OTUD7B: variants seen among roughly 807,000 people sequenced by gnomAD.
OTUD7B encodes the protein OTU deubiquitinase 7B.
In OTUD7B, 34 loss-of-function variants were observed where a neutral mutation model predicts 82.2. The ratio of observed to expected loss-of-function variants is 0.41; its 90% confidence interval spans 0.31 to 0.55. The LOEUF (loss-of-function observed/expected upper bound fraction) is 0.55. Among genes scored for constraint, OTUD7B ranks in the 20% least tolerant of loss-of-function variants. The probability of loss-of-function intolerance (pLI) is 0.20; values close to 1 mark genes in which losing one functional copy is unlikely to be tolerated. For missense variants in OTUD7B, 944 were observed against 1,062.1 expected, an observed-to-expected ratio of 0.89 and a Z score of 1.55; for synonymous variants, 398 against 402.7, an observed-to-expected ratio of 0.99 and a Z score of 0.14.
At chr1:150,027,808 T>C in the OTUD7B span, among the ~76,000 whole-genome samples, 1 of 151,992 alleles carries the variant, frequency 6.6e-6, no homozygotes, top group African/African-American at 2.4e-5. Flanking sequence ...AATAATTATA[T>C]TCTATTCTAT....
intron 1 of OTUD7B, among the ~76,000 whole-genome samples, chr1:149,994,594 A>AG (rs1651804041): frequency 7.0e-6 from 1 of 142,008 alleles, no homozygotes; most frequent in Non-Finnish European, 1.5e-5. Context: ...CAAAAAAAAA[A>AG]AAAAAAAAAA....
chr1:149,944,992 T>C lies in OTUD7B; in HGVS notation c.1397A>G (p.Asp466Gly), dbSNP rs1647601482. The C allele has an allele frequency of 6.2e-7, 1 of 1,614,094 alleles. No homozygotes were observed. Among genetic ancestry groups the C allele is most frequent in the Non-Finnish European group, 8.5e-7 (1 of 1,180,006 alleles). ...GCTGCCAACTGACTCCTTGTCTGAG[T>C]CTCCAGACTCAGGAGTGGACCGGGG... Reference protein sequence around the residue: ...DEPRSTPESGDSDKESVGSSS... With the variant: ...DEPRSTPESGGSDKESVGSSS... Residue 466 changes from aspartate (D) to glycine (G), a missense_variant, in exon 12 of 12, where the codon GAC (aspartate) becomes GGC (glycine). Transcript: ENST00000581312.
intron 1 of OTUD7B, among the ~76,000 whole-genome samples, chr1:149,990,530 ATATAACT>A (rs1160286310): frequency 6.6e-6 from 1 of 152,234 alleles, no homozygotes; most frequent in Non-Finnish European, 1.5e-5. Flanking sequence ...ATATGAATAA[ATATAACT>A]TATATTTGTA....
Position 149,967,808 on chromosome 1 carries a change from A to C in OTUD7B, c.275-287T>G, listed in dbSNP as rs1165170774. Among the ~76,000 whole-genome samples the C allele has an allele frequency of 2.0e-5, 3 of 152,162 alleles. No individual in the cohort carries two copies. The East Asian group carries it at 5.8e-4, about 29-fold the overall frequency. Reference sequence around the variant, plus strand: ...CCTCTGACTGTCTTCCTCCACTTCCATATTTCCCAGTGTGATAGGGACCCA... The same window carrying C: ...CCTCTGACTGTCTTCCTCCACTTCCCTATTTCCCAGTGTGATAGGGACCCA... On this transcript the variant is annotated intron_variant, in intron 3 of 11. Coordinates refer to ENST00000581312, the MANE Select transcript of OTUD7B (RefSeq NM_020205.4).
At chr1:150,049,621 C>CTT in the OTUD7B span, among the ~76,000 whole-genome samples, 5 of 47,154 alleles carry the variant, frequency 1.1e-4, no homozygotes, top group African/African-American at 7.8e-4. Flanking sequence ...TTCCTTCTCT[C>CTT]TCTCTCTCTT....
chr1:150,042,153 CCCTTCCTT>C, the OTUD7B span, among the ~76,000 whole-genome samples: 2 of 105,026 alleles, frequency 1.9e-5, no homozygotes, highest in Non-Finnish European at 3.9e-5. Flanking sequence ...CTTCCTTCCT[CCCTTCCTT>C]CCTTCCTTCC....
chr1:150,020,123 G>A, the OTUD7B span, among the ~76,000 whole-genome samples: 1 of 152,066 alleles, frequency 6.6e-6, no homozygotes, highest in East Asian at 1.9e-4. Context: ...GTGAAACCCT[G>A]TCTCAAAAAC....
chr1:149,956,665 G>A (rs1162624656), intron 7 of OTUD7B, among the ~76,000 whole-genome samples: 1 of 152,150 alleles, frequency 6.6e-6, no homozygotes, highest in East Asian at 1.9e-4. Flanking sequence ...TCACTTTCAG[G>A]TACACCAATC....
At chr1:150,055,519 A>G in the OTUD7B span, among the ~76,000 whole-genome samples, 1 of 152,232 alleles carries the variant, frequency 6.6e-6, no homozygotes, top group Non-Finnish European at 1.5e-5. Flanking sequence ...CAGAACTACC[A>G]TTCGACCCAG....
intron 8 of OTUD7B, 88 bp downstream of exon 8, chr1:149,950,006 C>T (rs587742530): frequency 3.2e-6 from 5 of 1,545,534 alleles, no homozygotes; most frequent in African/African-American, 1.4e-5. Context: ...TCTATATATC[C>T]CCTTTCCTGC....
intron 7 of OTUD7B, among the ~76,000 whole-genome samples, chr1:149,951,279 A>G (rs150107189): frequency 2.8e-5 from 4 of 145,418 alleles, no homozygotes; most frequent in Non-Finnish European, 6.0e-5. Context: ...CAATTTTTTA[A>G]ATTTTTAGTA....
At chr1:149,968,639 T>C (rs1288290468) in intron 3 of OTUD7B, among the ~76,000 whole-genome samples, 1 of 152,210 alleles carries the variant, frequency 6.6e-6, no homozygotes, top group Non-Finnish European at 1.5e-5. Flanking sequence ...TTGCCAGATA[T>C]GATACACAAA....
the OTUD7B span, among the ~76,000 whole-genome samples, chr1:150,059,201 C>T: frequency 4.9e-4 from 70 of 143,330 alleles, 2 homozygotes; most frequent in East Asian, 0.015. Context: ...TTACAGGTGC[C>T]TGCCACCACA....
chr1:150,024,059 T>C, the OTUD7B span, among the ~76,000 whole-genome samples: 1 of 152,192 alleles, frequency 6.6e-6, no homozygotes, highest in African/African-American at 2.4e-5. Context: ...GCTAAGGACA[T>C]GAGAGACAAT....
At chr1:149,977,277 G>A in intron 2 of OTUD7B, 149 bp downstream of exon 2, 1 of 550,866 alleles carries the variant, frequency 1.8e-6, no homozygotes, top group Non-Finnish European at 3.2e-6. Flanking sequence ...AATTATGACG[G>A]GTTATACACA....
chr1:149,982,028 A>G (rs587713012), intron 1 of OTUD7B, among the ~76,000 whole-genome samples: 2 of 152,212 alleles, frequency 1.3e-5, no homozygotes, highest in African/African-American at 2.4e-5. Flanking sequence ...GGACGCCTGT[A>G]GTCCCAGCTA....
Position 149,939,093 on chromosome 1 carries a change from G to C in OTUD7B, c.*4764C>G, listed in dbSNP as rs1483590260. 1 of 152,302 alleles carries C rather than the reference G, an allele frequency of 6.6e-6. No homozygotes were observed. The highest frequency in any genetic ancestry group is 2.4e-5 in the African/African-American group (1 of 41,390). 9.4% of individuals were successfully genotyped at this position (152,302 alleles called of 1,614,324 possible). On this transcript the variant is annotated 3_prime_UTR_variant, in exon 12 of 12. Transcript: ENST00000581312. The stretch of plus-strand genomic sequence containing the variant: ...CCCCCAGTAGAAGCACTAGATGAAG[G>C]GAAGGGTGGAGAGGCAAGGGGCTAT...
the OTUD7B span, chr1:150,054,664 C>G: frequency 3.0e-6 from 1 of 329,082 alleles, no homozygotes; most frequent in Non-Finnish European, 5.9e-6. Flanking sequence ...AAAAATTAGC[C>G]GGGTGTGGTG....
At chr1:150,001,898 C>T (rs1453709903) in intron 1 of OTUD7B, among the ~76,000 whole-genome samples, 2 of 152,178 alleles carry the variant, frequency 1.3e-5, no homozygotes, top group Non-Finnish European at 2.9e-5. Flanking sequence ...CCCAATTTCT[C>T]CCAGGGGAAT....
Sources: allele counts gnomAD v4.1 joint callset (sites outside exome capture counted in the v4.1 genomes callset), GRCh38; gene constraint gnomAD v4.1.1; transcripts MANE v1.5; gene names NCBI Gene and HGNC (gene_info 2026-07-23, HGNC 2026-07-21).